Variants in SIAH3 observed in about 807,000 individuals in gnomAD.
SIAH3 encodes seven in absentia homolog 3.
A neutral mutation model predicts 12.6 loss-of-function variants in SIAH3; 9 were observed. The ratio of observed to expected loss-of-function variants is 0.72; its 90% CI spans 0.43 to 1.25. The LOEUF (loss-of-function observed/expected upper bound fraction) is 1.25. Among genes scored for constraint, SIAH3 ranks in the 50% most tolerant of loss-of-function variants. The pLI is 0.00. For synonymous variants in SIAH3, 154 were observed against 151.1 expected, an observed-to-expected ratio of 1.02 and a Z score of -0.14; for missense variants, 390 against 365.4, an observed-to-expected ratio of 1.07 and a Z score of -0.55.
At chr13:45,847,932 C>A (rs746551759) in intron 1 of SIAH3, among the ~76,000 whole-genome samples, 1 of 151,978 alleles carries the variant, frequency 6.6e-6, no homozygotes, top group African/African-American at 2.4e-5. Flanking sequence ...AGGGACTGAC[C>A]GCTCCTCCCC....
chr13:45,843,478 T>C (rs1037429485), intron 1 of SIAH3, among the ~76,000 whole-genome samples: 3 of 152,144 alleles, frequency 2.0e-5, no homozygotes, highest in Non-Finnish European at 2.9e-5. Context: ...GTTTTCAGGA[T>C]GAGCAGAGAA....
At chr13:45,841,754 G>A (rs1950740821) in intron 1 of SIAH3, among the ~76,000 whole-genome samples, 1 of 152,190 alleles carries the variant, frequency 6.6e-6, no homozygotes, top group Non-Finnish European at 1.5e-5. Context: ...GAAGGTCTGG[G>A]ATAATGGCTG....
At chr13:45,819,713 C>T (rs1950648465) in intron 1 of SIAH3, among the ~76,000 whole-genome samples, 1 of 152,168 alleles carries the variant, frequency 6.6e-6, no homozygotes, top group Non-Finnish European at 1.5e-5. Flanking sequence ...CTGTGCCCAC[C>T]TCAGGGGCAG....
intron 1 of SIAH3, among the ~76,000 whole-genome samples, chr13:45,835,395 C>T (rs182819095): frequency 1.3e-5 from 2 of 152,296 alleles, no homozygotes; most frequent in East Asian, 3.9e-4. Context: ...GACCTATGAA[C>T]TAAGTGTTCC....
chr13:45,843,018 TTC>T (rs796481841), intron 1 of SIAH3, among the ~76,000 whole-genome samples: 2,942 of 143,014 alleles, frequency 0.021, 104 homozygotes, highest in African/African-American at 0.069. Context: ...TTGCCATTAT[TTC>T]TCTCTCTCTC....
chr13:45,828,866 G>C (rs371798538), intron 1 of SIAH3, among the ~76,000 whole-genome samples: 1 of 152,120 alleles, frequency 6.6e-6, no homozygotes, highest in East Asian at 1.9e-4. Flanking sequence ...GGTTTAAAAG[G>C]AATCAGTCAG....
intron 1 of SIAH3, among the ~76,000 whole-genome samples, chr13:45,844,273 A>C (rs1038624437): frequency 1.3e-5 from 2 of 152,200 alleles, no homozygotes; most frequent in Non-Finnish European, 2.9e-5. Context: ...TTAGTGTGTG[A>C]GTATGAGTGG....
chr13:45,818,437 G>A (rs1014728983), intron 1 of SIAH3, among the ~76,000 whole-genome samples: 2 of 152,172 alleles, frequency 1.3e-5, no homozygotes, highest in African/African-American at 2.4e-5. Context: ...AGCAAACTTG[G>A]TGGCATAAAA....
chr13:45,836,906 T>A (rs1950719812), intron 1 of SIAH3, among the ~76,000 whole-genome samples: 1 of 152,200 alleles, frequency 6.6e-6, no homozygotes, highest in Non-Finnish European at 1.5e-5. Context: ...AGACATCACA[T>A]CTTGCCTGCT....
In SIAH3 at chr13:45,806,017, T is replaced by C. The variant is rs148999925; in HGVS notation, c.136-21960A>G. Among the ~76,000 whole-genome samples, 167 of 152,140 alleles carry C rather than the reference T, an allele frequency of 1.1e-3. 2 individuals carry two copies. In the Middle Eastern group the frequency reaches 0.024, roughly 22 times the overall value. ...AGAGAAATGCAAATCAAAACCACAA[T>C]GAGATGCCATTTTGTCCCCATCAGA... On this transcript the variant is annotated intron_variant, in intron 1 of 1. Transcript: ENST00000400405.
intron 1 of SIAH3, among the ~76,000 whole-genome samples, chr13:45,829,383 G>A (rs1405213017): frequency 6.6e-6 from 1 of 152,104 alleles, no homozygotes; most frequent in African/African-American, 2.4e-5. Flanking sequence ...TGGGAGGATT[G>A]CTTGAGCCCA....
At chr13:45,787,699 G>T (rs954948621) in intron 1 of SIAH3, among the ~76,000 whole-genome samples, 2 of 152,170 alleles carry the variant, frequency 1.3e-5, no homozygotes, top group African/African-American at 4.8e-5. Context: ...GGAGATGTCG[G>T]GTCATATTGC....
At chr13:45,823,928 A>T (rs532634645) in intron 1 of SIAH3, among the ~76,000 whole-genome samples, 91 of 152,296 alleles carry the variant, frequency 6.0e-4, no homozygotes, top group African/African-American at 1.2e-3. Context: ...CTGTATTTTT[A>T]AAAAAATATT....
At chr13:45,793,197 G>C (rs1368040210) in intron 1 of SIAH3, among the ~76,000 whole-genome samples, 1 of 152,200 alleles carries the variant, frequency 6.6e-6, no homozygotes, top group Non-Finnish European at 1.5e-5. Flanking sequence ...AGAGGAGGCA[G>C]GTTGCTGGAA....
chr13:45,807,692 A>G (rs1309985862), intron 1 of SIAH3, among the ~76,000 whole-genome samples: 4 of 152,316 alleles, frequency 2.6e-5, no homozygotes, highest in African/African-American at 9.6e-5. Context: ...GTGACCAATG[A>G]CTGGACACCA....
intron 1 of SIAH3, among the ~76,000 whole-genome samples, chr13:45,844,729 A>G (rs1280093625): frequency 6.6e-6 from 1 of 152,248 alleles, no homozygotes. Context: ...AATATCATTC[A>G]TTCTTATGCA....
At chr13:45,789,093 C>CA (rs1295688053) in intron 1 of SIAH3, among the ~76,000 whole-genome samples, 1 of 152,072 alleles carries the variant, frequency 6.6e-6, no homozygotes, top group Non-Finnish European at 1.5e-5. Flanking sequence ...GCCCTGCACA[C>CA]AAAACTCAGA....
intron 1 of SIAH3, among the ~76,000 whole-genome samples, chr13:45,794,869 C>T (rs1302032232): frequency 3.9e-5 from 6 of 151,940 alleles, no homozygotes; most frequent in Non-Finnish European, 7.4e-5. Context: ...TTTCTAGGAT[C>T]ATGTATGAAT....
chr13:45,845,486 C>G (rs761054587), intron 1 of SIAH3, among the ~76,000 whole-genome samples: 4 of 152,166 alleles, frequency 2.6e-5, no homozygotes, highest in Non-Finnish European at 5.9e-5. Context: ...AATTAGTAAT[C>G]ATAGTAATAC....
Sources: allele counts gnomAD v4.1 joint callset (sites outside exome capture counted in the v4.1 genomes callset), GRCh38; gene constraint gnomAD v4.1.1; transcripts MANE v1.5; gene names NCBI Gene and HGNC (gene_info 2026-07-23, HGNC 2026-07-21).